The following WFS1 variants were observed in gnomAD, a reference collection of about 807,000 sequenced individuals.
WFS1 encodes wolframin.
A neutral mutation model predicts 68.5 loss-of-function variants in WFS1; 90 were observed. The observed-to-expected ratio is 1.31, with a 90% CI of 1.11 to 1.56. The LOEUF (loss-of-function observed/expected upper bound fraction) is 1.56. Among genes scored for constraint, WFS1 ranks in the 40% most tolerant of loss-of-function variants. WFS1 has a pLI of 0.00. For missense variants in WFS1, 1,767 were observed against 1,232.6 expected, an observed-to-expected ratio of 1.43 and a Z score of -6.49; for synonymous variants, 860 against 540.7, an observed-to-expected ratio of 1.59 and a Z score of -8.19.
intron 2 of WFS1, among the ~76,000 whole-genome samples, chr4:6,281,348 G>A (rs942917715): frequency 1.3e-5 from 2 of 152,216 alleles, no homozygotes; most frequent in East Asian, 1.9e-4. Context: ...TGAGGAATTG[G>A]CTGTGGTGTC....
At chr4:6,292,165 C>G (rs1004339137) in intron 6 of WFS1, among the ~76,000 whole-genome samples, 168 bp downstream of exon 6, 3 of 152,172 alleles carry the variant, frequency 2.0e-5, no homozygotes, top group Non-Finnish European at 4.4e-5. Flanking sequence ...CCTGGCCCTG[C>G]TAGGATCTCA....
At position 6,301,687 on chromosome 4, in the gene WFS1, C is replaced by G; in HGVS notation, c.1892C>G (p.Ser631Cys). 4 of 1,614,084 alleles carry G rather than the reference C, an allele frequency of 2.5e-6. No homozygotes were observed. The highest frequency in any genetic ancestry group is 3.4e-6 in the Non-Finnish European group (4 of 1,180,040). Residue 631 changes from serine (S) to cysteine (C), a missense_variant, in exon 8 of 8, where the codon TCC becomes TGC. Ser to Cys is a moderately radical substitution (Grantham distance 112). Coordinates refer to ENST00000226760, the MANE Select transcript of WFS1 (RefSeq NM_006005.3). ...VGMVKSLTRS[S>C]MVKLILVWLT... ...ATGGTGAAGTCCCTGACGCGGAGCT[C>G]CATGGTCAAGCTCATCCTGGTGTGG...
Position 6,301,387 on chromosome 4 carries a change from T to G in WFS1, c.1592T>G (p.Leu531Arg), listed in dbSNP as rs754343941. The G allele has an allele frequency of 6.2e-7, 1 of 1,612,562 alleles. No homozygotes were observed. The highest frequency in any genetic ancestry group is 1.7e-5 in the Admixed American group (1 of 60,032). Reference sequence around the variant, plus strand: ...AATTTCAAGGGCACCTACTGCTACCTTGTGCCCTACCTGGTGTGCTTCATG... The same window carrying G: ...AATTTCAAGGGCACCTACTGCTACCGTGTGCCCTACCTGGTGTGCTTCATG... ...LRNFKGTYCY[L>R]VPYLVCFMWC... Residue 531 changes from leucine (L) to arginine (R), a missense_variant, in exon 8 of 8, where the codon CTT becomes CGT. Transcript: ENST00000226760.
At position 6,287,011 on chromosome 4, in the gene WFS1, C is replaced by A. The variant is rs1730329123; in HGVS notation, c.233-82C>A. On this transcript the variant is annotated intron_variant, in intron 2 of 7. Transcript: ENST00000226760. This position sits in a 1 kb window ranked among gnomAD's most constrained non-coding sequence, Gnocchi z 6.4. ...TGACAAGCAGCAGCAGATCTGAAGACCCTCATGCCTTGTCCCCTCCATCCT... is the reference window on the plus strand; with the variant it reads ...TGACAAGCAGCAGCAGATCTGAAGAACCTCATGCCTTGTCCCCTCCATCCT... 2 of 1,237,612 alleles carry A rather than the reference C, an allele frequency of 1.6e-6. No homozygotes were observed. The highest frequency in any genetic ancestry group is 2.0e-5 in the Admixed American group (1 of 50,474). 76.7% of individuals were successfully genotyped at this position (1,237,612 alleles called of 1,614,324 possible). A position where few individuals can be genotyped will look rare whatever the true frequency, so the allele number is the denominator to read the frequency against.
At chr4:6,278,115 A>C (rs548572222) in intron 2 of WFS1, among the ~76,000 whole-genome samples, 207 of 152,224 alleles carry the variant, frequency 1.4e-3, no homozygotes, top group African/African-American at 4.8e-3. Context: ...TCCCTGAGGG[A>C]GACTTGTGAG....
intron 2 of WFS1, among the ~76,000 whole-genome samples, chr4:6,285,442 G>A (rs764106719): frequency 2.1e-4 from 32 of 152,090 alleles, no homozygotes; most frequent in Non-Finnish European, 3.8e-4. Context: ...TTGTGTTGGC[G>A]AGTTGTCCAT....
At position 6,302,735 on chromosome 4, in the gene WFS1, C is replaced by T. The variant is rs967665490; in HGVS notation, c.*267C>T. On this transcript the variant is annotated 3_prime_UTR_variant, in exon 8 of 8. Coordinates refer to ENST00000226760, the MANE Select transcript of WFS1 (RefSeq NM_006005.3). ...GACCTTTCTGAGTGACATGGGTGTG[C>T]CAGGCTAGACTAGGAGGTTCCGGTG... The T allele has an allele frequency of 1.0e-5, 6 of 578,654 alleles. No homozygotes were observed. The highest frequency in any genetic ancestry group is 1.8e-5 in the Non-Finnish European group (6 of 328,522). 35.8% of individuals were successfully genotyped at this position (578,654 alleles called of 1,614,324 possible). A position where few individuals can be genotyped will look rare whatever the true frequency, so the allele number is the denominator to read the frequency against.
rs558144864 is a variant in WFS1 at position 6,282,963 on chromosome 4, G to A, written c.233-4130G>A. On this transcript the variant is annotated intron_variant, in intron 2 of 7. Transcript: ENST00000226760. ...TGCTCCCTGTGTACTGTCCAGCGTC[G>A]TAGTGGAAGCTGGTGGCGAGACGGG... Among the ~76,000 whole-genome samples the A allele has an allele frequency of 3.3e-4, 50 of 152,330 alleles. No individual in the cohort carries two copies. In the Middle Eastern group the frequency reaches 0.014, roughly 41 times the overall value.
At position 6,277,444 on chromosome 4, in the gene WFS1, C is replaced by T. The variant is rs577021412; in HGVS notation, c.-5-7C>T. The T allele has an allele frequency of 1.3e-6, 2 of 1,551,304 alleles. No individual in the cohort carries two copies. The highest frequency in any genetic ancestry group is 1.2e-5 in the South Asian group (1 of 84,146). On this transcript the variant is annotated splice_region_variant and splice_polypyrimidine_tract_variant and intron_variant, in intron 1 of 7. Transcript: ENST00000226760. ...CTGGATGTGCCTGACCTTGACTTTT[C>T]TTCCAGGCAGGATGGACTCCAACAC... is the stretch of plus-strand genomic sequence containing the variant.
rs372783392 is a variant in WFS1 at position 6,277,624 on chromosome 4, G to T, written c.169G>T (p.Ala57Ser). 7.4e-5 allele frequency: 116 copies of T among 1,572,824 alleles called. No homozygotes were observed. Among genetic ancestry groups the T allele is most frequent in the Non-Finnish European group, 9.5e-5 (110 of 1,159,538 alleles). Reference protein sequence around the residue: ...QAGPGPGVRDAAAPAEPQAQH... With the variant: ...QAGPGPGVRDSAAPAEPQAQH... ...TGGCCCTGGCCCTGGTGTTAGAGAC[G>T]CAGCGGCCCCCGCTGAACCCCAGGC... Residue 57 changes from alanine to serine, a missense_variant, in exon 2 of 8, where the codon GCA becomes TCA. Ala to Ser is a moderately conservative substitution (Grantham distance 99, BLOSUM62 1). Transcript: ENST00000226760.
intron 1 of WFS1, among the ~76,000 whole-genome samples, chr4:6,277,068 G>T (rs567512100): frequency 4.6e-5 from 7 of 152,252 alleles, no homozygotes; most frequent in Non-Finnish European, 1.0e-4. Context: ...ATGATGTGGG[G>T]CCCAATTCAG....
intron 2 of WFS1, among the ~76,000 whole-genome samples, chr4:6,286,368 C>T (rs1024287269): frequency 1.3e-5 from 2 of 152,204 alleles, no homozygotes; most frequent in Non-Finnish European, 2.9e-5. Context: ...CCCTTCCACC[C>T]TGTGAGGACA....
rs1033989710 is a variant in WFS1, at chr4:6,269,876, T to C, written c.-144T>C. The stretch of plus-strand genomic sequence containing the variant: ...TGCAGAAGGCCGCGCTAGCCGGCTC[T>C]TCAGCAGCGAGTGCAGATTGCTCCC... On this transcript the variant is annotated 5_prime_UTR_variant, in exon 1 of 8. Coordinates refer to ENST00000226760, the MANE Select transcript of WFS1 (RefSeq NM_006005.3). 1.1e-4 allele frequency: 16 copies of C among 152,218 alleles called. No homozygotes were observed. The highest frequency in any genetic ancestry group is 3.9e-4 in the African/African-American group (16 of 41,466). The allele number at this position is 152,218 out of a possible 1,614,324, so 9.4% of individuals were successfully genotyped here. A position where few individuals can be genotyped will look rare whatever the true frequency, so the allele number is the denominator to read the frequency against.
chr4:6,301,000 T>C lies in WFS1; in HGVS notation c.1205T>C (p.Leu402Pro), dbSNP rs754090711. 1.9e-6 allele frequency: 3 copies of C among 1,614,022 alleles called. No homozygotes were observed. The highest frequency in any genetic ancestry group is 1.3e-5 in the African/African-American group (1 of 75,028). ...GAGGTCAACTTCGGCTGGAACCACC[T>C]GGAGCCCTATGCCCATTTCCTGCTC... is the stretch of plus-strand genomic sequence containing the variant. The part of the protein sequence containing the change: ...QAEVNFGWNH[L>P]EPYAHFLLSV... The change falls in exon 8 of 8, where the codon CTG becomes CCG. Residue 402 changes from leucine to proline, a missense_variant. Leu to Pro is a moderately conservative substitution (Grantham distance 98, BLOSUM62 -3). Transcript: ENST00000226760.
At chr4:6,300,602 G>A (rs1163313913) in intron 7 of WFS1, 55 bp from the exon 8 acceptor site, 1 of 1,611,400 alleles carries the variant, frequency 6.2e-7, no homozygotes, top group Non-Finnish European at 8.5e-7. Flanking sequence ...GGCGTGAGAT[G>A]GGAGCAGTGG....
At chr4:6,293,963 G>A (rs1398362024) in intron 6 of WFS1, among the ~76,000 whole-genome samples, 1 of 152,180 alleles carries the variant, frequency 6.6e-6, no homozygotes, top group African/African-American at 2.4e-5. Context: ...ACTGAGGCCT[G>A]TGCTACCTGC....
chr4:6,286,414 G>A (rs1730309328), intron 2 of WFS1, among the ~76,000 whole-genome samples: 1 of 152,212 alleles, frequency 6.6e-6, no homozygotes, highest in Non-Finnish European at 1.5e-5. Context: ...CAGGCCCTCA[G>A]TAGACACGGA....
intron 1 of WFS1, among the ~76,000 whole-genome samples, chr4:6,277,121 C>A (rs1030783592): frequency 3.3e-5 from 5 of 152,392 alleles, no homozygotes; most frequent in African/African-American, 1.2e-4. Flanking sequence ...CTGGGTGTTG[C>A]TATCATCATC....
Position 6,302,371 on chromosome 4 carries a change from G to T in WFS1, c.2576G>T (p.Arg859Leu), listed in dbSNP as rs121912618. Residue 859 changes from arginine to leucine, a missense_variant, in exon 8 of 8, where the codon CGG becomes CTG. Physicochemically the swap from Arg to Leu is moderately radical, Grantham distance 102. Transcript: ENST00000226760. ...ATGGCCCAGCTCTCACCCACCAGGCGGCACGTGAAGATCGAGCACGACTGG... is the reference window on the plus strand; with the variant it reads ...ATGGCCCAGCTCTCACCCACCAGGCTGCACGTGAAGATCGAGCACGACTGG... Reference protein sequence around the residue: ...NCMAQLSPTRRHVKIEHDWRS... With the variant: ...NCMAQLSPTRLHVKIEHDWRS... The T allele has an allele frequency of 2.5e-6, 4 of 1,612,990 alleles. No individual in the cohort carries two copies. Among genetic ancestry groups the T allele is most frequent in the African/African-American group, 2.7e-5 (2 of 74,944 alleles).
Sources: allele counts gnomAD v4.1 joint callset (sites outside exome capture counted in the v4.1 genomes callset), GRCh38; gene constraint gnomAD v4.1.1; non-coding constraint Gnocchi (gnomAD v3.1); transcripts MANE v1.5; gene names NCBI Gene and HGNC (gene_info 2026-07-23, HGNC 2026-07-21).